Variants in MMP16 observed in about 807,000 individuals in gnomAD.
MMP16 encodes matrix metallopeptidase 16.
A neutral mutation model predicts 67.8 loss-of-function variants in MMP16; 12 were observed. The observed-to-expected ratio is 0.18, with a 90% CI of 0.11 to 0.29. The LOEUF (loss-of-function observed/expected upper bound fraction) is 0.29, where lower values mean the gene tolerates loss of function less well. MMP16 is among the 10% of genes least tolerant of loss of function. MMP16 has a pLI of 1.00. For synonymous variants in MMP16, 249 were observed against 255.9 expected, an observed-to-expected ratio of 0.97 and a Z score of 0.26; for missense variants, 475 against 765.7, an observed-to-expected ratio of 0.62 and a Z score of 4.48.
intron 2 of MMP16, among the ~76,000 whole-genome samples, chr8:88,192,945 C>T (rs1787556257): frequency 6.6e-6 from 1 of 152,080 alleles, no homozygotes; most frequent in Non-Finnish European, 1.5e-5. Flanking sequence ...AATCCTTATA[C>T]ACTACTGATG....
intron 6 of MMP16, among the ~76,000 whole-genome samples, chr8:88,113,774 C>T (rs1030056188): frequency 6.6e-6 from 1 of 151,948 alleles, no homozygotes; most frequent in Admixed American, 6.6e-5. Context: ...ACCCACGTGT[C>T]CACCTTGAAG....
chr8:88,169,949 G>T (rs927304497), intron 3 of MMP16, among the ~76,000 whole-genome samples: 3 of 152,148 alleles, frequency 2.0e-5, no homozygotes, highest in African/African-American at 7.2e-5. Context: ...GAGACATTAT[G>T]TTGAAAATAT....
At chr8:88,200,809 A>G (rs1809331863) in intron 1 of MMP16, among the ~76,000 whole-genome samples, 1 of 151,964 alleles carries the variant, frequency 6.6e-6, no homozygotes, top group South Asian at 2.1e-4. Context: ...ACCCACATAT[A>G]TTAAGCAGTA....
rs1335876075 is a variant in MMP16 at position 88,034,217 on chromosome 8, G to T, written c.*7244C>A. ...TGCTCAATTCTGGTTTTCACAAAGG[G>T]AAGGGAAAACCAAATCTGTGTAAAA... is the stretch of plus-strand genomic sequence containing the variant. On this transcript the variant is annotated 3_prime_UTR_variant, in exon 10 of 10. Transcript: ENST00000286614. 6.8e-6 allele frequency: 1 copy of T among 146,882 alleles called. No individual in the cohort carries two copies. Among genetic ancestry groups the T allele is most frequent in the African/African-American group, 2.5e-5 (1 of 39,302 alleles). 9.1% of individuals were successfully genotyped at this position (146,882 alleles called of 1,614,324 possible). A position where few individuals can be genotyped will look rare whatever the true frequency, so the allele number is the denominator to read the frequency against.
chr8:88,152,037 C>G (rs1808418878), intron 4 of MMP16, among the ~76,000 whole-genome samples: 1 of 54,666 alleles, frequency 1.8e-5, no homozygotes, highest in Non-Finnish European at 3.3e-5. Context: ...GGGATATCAC[C>G]ACTGATCCCA....
At chr8:88,088,874 G>C (rs1291661854) in intron 6 of MMP16, among the ~76,000 whole-genome samples, 1 of 151,916 alleles carries the variant, frequency 6.6e-6, no homozygotes, top group South Asian at 2.1e-4. Flanking sequence ...CATTTTTATG[G>C]GTTTTACCCA....
chr8:88,238,997 T>C (rs1394216506), intron 1 of MMP16, among the ~76,000 whole-genome samples: 10 of 151,982 alleles, frequency 6.6e-5, no homozygotes, highest in Non-Finnish European at 1.5e-5. Context: ...ATATTTCCCA[T>C]TAGTCTAGGG....
intron 1 of MMP16, among the ~76,000 whole-genome samples, chr8:88,199,503 G>T (rs1335418468): frequency 3.8e-4 from 57 of 151,872 alleles, no homozygotes; most frequent in Admixed American, 3.3e-3. Context: ...AATCAAGATT[G>T]ATTTGTCACC....
At chr8:88,252,978 A>G (rs1268841980) in intron 1 of MMP16, among the ~76,000 whole-genome samples, 1 of 152,146 alleles carries the variant, frequency 6.6e-6, no homozygotes, top group Non-Finnish European at 1.5e-5. Flanking sequence ...ACTAGTTCAG[A>G]TACTTGGTAA....
At chr8:88,207,351 C>T (rs1407721118) in intron 1 of MMP16, among the ~76,000 whole-genome samples, 1 of 152,062 alleles carries the variant, frequency 6.6e-6, no homozygotes, top group Non-Finnish European at 1.5e-5. Context: ...TGCAGTGAGC[C>T]CAAATGTTGT....
At chr8:88,184,786 A>G (rs939764273) in intron 3 of MMP16, among the ~76,000 whole-genome samples, 9 of 146,246 alleles carry the variant, frequency 6.2e-5, no homozygotes, top group African/African-American at 2.3e-4. Context: ...AAAGAAAAGA[A>G]AAAAGAATCC....
At chr8:88,277,169 T>TG (rs1170813645) in intron 1 of MMP16, among the ~76,000 whole-genome samples, 1 of 152,212 alleles carries the variant, frequency 6.6e-6, no homozygotes, top group Non-Finnish European at 1.5e-5. Flanking sequence ...TGTTCAACTT[T>TG]TACATATTAA....
intron 4 of MMP16, among the ~76,000 whole-genome samples, chr8:88,137,540 GT>G (rs1464827232): frequency 6.6e-6 from 1 of 151,858 alleles, no homozygotes; most frequent in Non-Finnish European, 1.5e-5. Flanking sequence ...GATTTAACTA[GT>G]TTTACTATGA....
intron 4 of MMP16, among the ~76,000 whole-genome samples, chr8:88,167,373 T>G (rs1244781402): frequency 6.6e-6 from 1 of 152,176 alleles, no homozygotes; most frequent in Non-Finnish European, 1.5e-5. Context: ...ACTTAAATAC[T>G]GATTATAAAA....
At chr8:88,184,285 A>G (rs1809031589) in intron 3 of MMP16, among the ~76,000 whole-genome samples, 1 of 152,124 alleles carries the variant, frequency 6.6e-6, no homozygotes, top group African/African-American at 2.4e-5. Flanking sequence ...CAGCTCAACA[A>G]TGCTTTTAAG....
chr8:88,204,446 T>C (rs1231711959), intron 1 of MMP16, among the ~76,000 whole-genome samples: 1 of 152,020 alleles, frequency 6.6e-6, no homozygotes, highest in Admixed American at 6.6e-5. Flanking sequence ...TTTCAAAGTG[T>C]TAAATCAGCA....
chr8:88,201,144 C>CAAAAAAAA (rs71277984), intron 1 of MMP16, among the ~76,000 whole-genome samples: 2 of 109,412 alleles, frequency 1.8e-5, no homozygotes, highest in Admixed American at 9.1e-5. Flanking sequence ...TTTCCCCCCC[C>CAAAAAAAA]AAAAAAAAAA....
At chr8:88,141,310 T>C (rs2118501858) in intron 4 of MMP16, among the ~76,000 whole-genome samples, 1 of 152,258 alleles carries the variant, frequency 6.6e-6, no homozygotes, top group East Asian at 1.9e-4. Flanking sequence ...ACACATACAA[T>C]GGAGTAATAC....
chr8:88,198,531 G>A (rs1809292321), intron 1 of MMP16, among the ~76,000 whole-genome samples: 2 of 151,904 alleles, frequency 1.3e-5, no homozygotes, highest in Admixed American at 1.3e-4. Flanking sequence ...TCTAAAACAG[G>A]AGACATATTT....
Sources: allele counts gnomAD v4.1 joint callset (sites outside exome capture counted in the v4.1 genomes callset), GRCh38; gene constraint gnomAD v4.1.1; transcripts MANE v1.5; gene names NCBI Gene and HGNC (gene_info 2026-07-23, HGNC 2026-07-21).